Variants in ARHGAP26 observed in about 807,000 individuals in gnomAD.
ARHGAP26 encodes the protein rho GTPase-activating protein 26.
In ARHGAP26, 38 loss-of-function variants were observed where a neutral mutation model predicts 104.8. The observed-to-expected ratio is 0.36, with a 90% CI of 0.28 to 0.48. The LOEUF (loss-of-function observed/expected upper bound fraction) is 0.48. ARHGAP26 is among the 20% of genes least tolerant of loss of function. The probability of loss-of-function intolerance (pLI) is 0.99; values close to 1 mark genes in which losing one functional copy is unlikely to be tolerated. For missense variants in ARHGAP26, 704 were observed against 947.9 expected, an observed-to-expected ratio of 0.74 and a Z score of 3.38; for synonymous variants, 341 against 340.0, an observed-to-expected ratio of 1.00 and a Z score of -0.03.
chr5:143,100,845 C>T (rs931710220), intron 17 of ARHGAP26, among the ~76,000 whole-genome samples: 2 of 152,218 alleles, frequency 1.3e-5, no homozygotes, highest in African/African-American at 4.8e-5. Flanking sequence ...AATCCCAGCT[C>T]TTTGGGAGGC....
intron 20 of ARHGAP26, among the ~76,000 whole-genome samples, chr5:143,201,237 G>GT (rs2151313084): frequency 6.6e-6 from 1 of 152,320 alleles, no homozygotes; most frequent in South Asian, 2.1e-4. Context: ...GGGCCTAGAT[G>GT]TGGGGGCCTG....
At chr5:143,023,920 A>C (rs1217884315) in intron 12 of ARHGAP26, among the ~76,000 whole-genome samples, 1 of 151,932 alleles carries the variant, frequency 6.6e-6, no homozygotes, top group Non-Finnish European at 1.5e-5. Flanking sequence ...TCTCCTGTGC[A>C]TGCAGTTTCC....
At chr5:142,896,195 A>G (rs937060983) in intron 6 of ARHGAP26, among the ~76,000 whole-genome samples, 2 of 152,254 alleles carry the variant, frequency 1.3e-5, no homozygotes, top group African/African-American at 2.4e-5. Context: ...ATGCTGTCAC[A>G]TAGAATTTGC....
chr5:143,208,152 C>G (rs549889236), intron 21 of ARHGAP26, among the ~76,000 whole-genome samples: 1 of 151,944 alleles, frequency 6.6e-6, no homozygotes, highest in Admixed American at 6.6e-5. Flanking sequence ...TTTGTGACTT[C>G]CGCACTTAAG....
chr5:142,879,240 A>T (rs563010821), intron 3 of ARHGAP26, 134 bp from the exon 4 acceptor site: 3 of 789,250 alleles, frequency 3.8e-6, no homozygotes, highest in Non-Finnish European at 6.8e-6. Flanking sequence ...GGTTGTAAAC[A>T]GTTGACATGT....
intron 21 of ARHGAP26, among the ~76,000 whole-genome samples, chr5:143,211,948 T>G (rs907124739): frequency 6.6e-6 from 1 of 152,218 alleles, no homozygotes; most frequent in African/African-American, 2.4e-5. Flanking sequence ...AATGATAATC[T>G]TGGGCACCTG....
At position 143,226,485 on chromosome 5, in the gene ARHGAP26, G is replaced by GA. The variant is rs57822966; in HGVS notation, c.*4060dup. 4.8e-3 allele frequency: 680 copies of GA among 140,688 alleles called. 2 individuals are homozygous for GA. The highest frequency in any genetic ancestry group is 8.6e-3 in the Middle Eastern group (3 of 350). 8.7% of individuals were successfully genotyped at this position (140,688 alleles called of 1,614,324 possible). ...GACAGAGCCAGACTCCGTCTCAAAGGAAAAAAAAAAAAAAAAAAAAAGAAT... is the reference window on the plus strand; with the variant it reads ...GACAGAGCCAGACTCCGTCTCAAAGGAAAAAAAAAAAAAAAAAAAAAAGAAT... On this transcript the variant is annotated 3_prime_UTR_variant, in exon 23 of 23. Coordinates refer to ENST00000645722, the MANE Select transcript of ARHGAP26 (RefSeq NM_001135608.3).
At chr5:142,783,556 T>C (rs765091716) in intron 1 of ARHGAP26, among the ~76,000 whole-genome samples, 1 of 152,188 alleles carries the variant, frequency 6.6e-6, no homozygotes, top group Non-Finnish European at 1.5e-5. Flanking sequence ...ACTCAGGATC[T>C]GGGGAGAGGA....
intron 12 of ARHGAP26, among the ~76,000 whole-genome samples, chr5:143,033,351 A>G (rs1475450144): frequency 6.6e-6 from 1 of 152,238 alleles, no homozygotes; most frequent in African/African-American, 2.4e-5. Context: ...GCCATTTACC[A>G]AAAGAAGTAA....
chr5:142,815,325 A>G (rs1764894072), intron 1 of ARHGAP26, among the ~76,000 whole-genome samples: 1 of 152,166 alleles, frequency 6.6e-6, no homozygotes, highest in African/African-American at 2.4e-5. Flanking sequence ...ACCGGTGTGA[A>G]CCACCATGCC....
intron 1 of ARHGAP26, chr5:142,772,800 G>A (rs1242729377): frequency 1.9e-6 from 1 of 533,474 alleles, no homozygotes. Context: ...CTTGCACCAA[G>A]CCCTAGAATT....
Position 143,214,013 on chromosome 5 carries a change from G to C in ARHGAP26, c.2116G>C (p.Ala706Pro). Residue 706 changes from alanine (A) to proline (P), a missense_variant, in exon 22 of 23, where the codon GCA (alanine) becomes CCA (proline). Around this residue, in one of 6 missense-constraint regions of ARHGAP26, gnomAD observed 217 missense variants for 242.6 expected, o/e 0.89. Coordinates refer to ENST00000645722, the MANE Select transcript of ARHGAP26 (RefSeq NM_001135608.3). ...TTCACACAGCACACCGTTCCGGAAG[G>C]CAAAAGCCTTGTATGCCTGCAAAGC... Reference protein sequence around the residue: ...SSPVSTPFRKAKALYACKAEH... With the variant: ...SSPVSTPFRKPKALYACKAEH... 6.3e-7 allele frequency: 1 copy of C among 1,589,958 alleles called. No homozygotes were observed. The highest frequency in any genetic ancestry group is 8.6e-7 in the Non-Finnish European group (1 of 1,163,448).
intron 11 of ARHGAP26, among the ~76,000 whole-genome samples, chr5:142,943,100 G>T (rs1766615552): frequency 6.6e-6 from 1 of 152,182 alleles, no homozygotes; most frequent in East Asian, 1.9e-4. Context: ...ATCTTGAAGT[G>T]ATAGGAACAC....
intron 19 of ARHGAP26, among the ~76,000 whole-genome samples, chr5:143,143,171 C>G (rs1217184195): frequency 6.6e-6 from 1 of 152,128 alleles, no homozygotes; most frequent in Non-Finnish European, 1.5e-5. Flanking sequence ...GGGGGGAAAC[C>G]TCCCGCAAAT....
At chr5:143,081,550 C>G (rs1399978835) in intron 17 of ARHGAP26, among the ~76,000 whole-genome samples, 1 of 152,218 alleles carries the variant, frequency 6.6e-6, no homozygotes, top group Non-Finnish European at 1.5e-5. Flanking sequence ...CACTTACCAG[C>G]TGGGGGACCT....
intron 20 of ARHGAP26, among the ~76,000 whole-genome samples, chr5:143,176,461 C>A (rs1316571681): frequency 6.6e-6 from 1 of 152,208 alleles, no homozygotes; most frequent in African/African-American, 2.4e-5. Context: ...AGCACCATGG[C>A]ATGTTTGTTT....
At chr5:142,898,641 A>G (rs987222876) in intron 6 of ARHGAP26, among the ~76,000 whole-genome samples, 4 of 152,154 alleles carry the variant, frequency 2.6e-5, no homozygotes, top group African/African-American at 7.2e-5. Flanking sequence ...TCTTTTGCCA[A>G]GAAGCTCCTG....
chr5:142,938,753 A>C (rs1462023004), intron 11 of ARHGAP26, among the ~76,000 whole-genome samples: 2 of 152,180 alleles, frequency 1.3e-5, no homozygotes, highest in East Asian at 3.8e-4. Flanking sequence ...GCATTTCCAT[A>C]TATCCCCTTA....
intron 11 of ARHGAP26, among the ~76,000 whole-genome samples, chr5:142,989,721 G>A (rs534124009): frequency 2.0e-5 from 3 of 152,250 alleles, no homozygotes; most frequent in African/African-American, 7.2e-5. Context: ...ATGAAGCTTA[G>A]TTTGGCTGGA....
Sources: allele counts gnomAD v4.1 joint callset (sites outside exome capture counted in the v4.1 genomes callset), GRCh38; gene constraint gnomAD v4.1.1; regional missense constraint gnomAD v4.1.1; transcripts MANE v1.5; gene names NCBI Gene and HGNC (gene_info 2026-07-23, HGNC 2026-07-21).